Variants in PARL observed in about 807,000 individuals in gnomAD.
The protein encoded by PARL is presenilin associated rhomboid like.
PARL carries 44 observed loss-of-function variants against 51.6 expected under a neutral mutation model. The ratio of observed to expected loss-of-function variants is 0.85; its 90% confidence interval spans 0.67 to 1.10. The LOEUF (loss-of-function observed/expected upper bound fraction) is 1.10. Ranked by LOEUF, PARL falls within the 50% of genes least tolerant of loss-of-function variation. The probability of loss-of-function intolerance (pLI) is 0.00; values close to 1 mark genes in which losing one functional copy is unlikely to be tolerated. For missense variants in PARL, 441 were observed against 469.5 expected (o/e 0.94, Z 0.56); for synonymous variants, 172 against 164.0 (o/e 1.05, Z -0.37).
chr3:183,882,930 A>C (rs923201198), intron 1 of PARL, among the ~76,000 whole-genome samples: 5 of 152,220 alleles, frequency 3.3e-5, no homozygotes, highest in African/African-American at 1.2e-4. Context: ...CATATAGCTA[A>C]TAAAGGTTAT....
chr3:183,858,090 T>C (rs1056750558), intron 4 of PARL, among the ~76,000 whole-genome samples: 3 of 152,218 alleles, frequency 2.0e-5, no homozygotes, highest in Admixed American at 6.5e-5. Flanking sequence ...AGCATGATAC[T>C]TGAAGTGTGG....
intron 1 of PARL, 37 bp from the exon 2 acceptor site, chr3:183,868,097 C>T (rs1037593958): frequency 4.8e-6 from 7 of 1,468,328 alleles, no homozygotes; most frequent in African/African-American, 4.2e-5. Flanking sequence ...AACACAGTAG[C>T]GTCTTGCAAA....
chr3:183,870,155 A>G lies in PARL; in HGVS notation c.126-2095T>C, dbSNP rs577826319. On this transcript the variant is annotated intron_variant, in intron 1 of 9. Transcript: ENST00000317096. Reference sequence around the variant, plus strand: ...GCCAGGTGTGGTGGTGCACACCTGTAGAGTCCCAGCTACTCGGGAGGCTGA... The same window carrying G: ...GCCAGGTGTGGTGGTGCACACCTGTGGAGTCCCAGCTACTCGGGAGGCTGA... 2.6e-4 allele frequency among the ~76,000 whole-genome samples: 16 copies of G among 61,328 alleles called. No individual in the cohort carries two copies. The East Asian group carries it at 0.012, about 44-fold the overall frequency. 40.2% of individuals were successfully genotyped at this position (61,328 alleles called of 152,430 possible). A position where few individuals can be genotyped will look rare whatever the true frequency, so the allele number is the denominator to read the frequency against.
At chr3:183,826,968 C>G (rs531961512), downstream of PARL, among the ~76,000 whole-genome samples, 2 of 151,894 alleles carry the variant, frequency 1.3e-5, no homozygotes, top group Non-Finnish European at 2.9e-5. Flanking sequence ...TAGTGAGGGA[C>G]GGAAGGAAGT....
chr3:183,859,033 G>A (rs6775575), intron 4 of PARL, among the ~76,000 whole-genome samples: 64,114 of 151,958 alleles, frequency 0.42, 14,010 homozygotes, highest in Middle Eastern at 0.55. Flanking sequence ...CTCGCCGGGC[G>A]CGGTGGCTCA....
At chr3:183,861,808 A>G (rs1302642192) in intron 4 of PARL, among the ~76,000 whole-genome samples, 1 of 152,096 alleles carries the variant, frequency 6.6e-6, no homozygotes, top group Non-Finnish European at 1.5e-5. Flanking sequence ...TGAGAGTCTC[A>G]TCTGTCACCC....
downstream of PARL, among the ~76,000 whole-genome samples, chr3:183,828,293 G>A (rs1319192287): frequency 1.3e-5 from 2 of 152,240 alleles, no homozygotes; most frequent in Non-Finnish European, 2.9e-5. Flanking sequence ...GCTCTAGAGG[G>A]AATGTCCCTA....
At chr3:183,835,383 T>C (rs888787151) in intron 7 of PARL, among the ~76,000 whole-genome samples, 1 of 152,200 alleles carries the variant, frequency 6.6e-6, no homozygotes, top group African/African-American at 2.4e-5. Flanking sequence ...AAGAAAATTA[T>C]TATGAGTCCC....
intron 1 of PARL, among the ~76,000 whole-genome samples, chr3:183,882,251 A>ATATATATATATATTTATATATATATATT (rs1734590648): frequency 1.2e-4 from 6 of 50,688 alleles, no homozygotes; most frequent in African/African-American, 3.9e-4. Flanking sequence ...ATATTTATAT[A>ATATATATATATATTTATATATATATATT]TATATATATA....
In PARL at chr3:183,867,595, G is replaced by A. The variant is rs376021719; in HGVS notation, c.321+270C>T. Among the ~76,000 whole-genome samples, 33 of 151,954 alleles carry A rather than the reference G, an allele frequency of 2.2e-4. No homozygotes were observed. The East Asian group carries it at 4.1e-3, about 19-fold the overall frequency. Reference sequence around the variant, plus strand: ...AGTGCCTACAGTCCCAGCTACTTGGGAAGCTGAGGCAGGAGAATGGTGTGA... The same window carrying A: ...AGTGCCTACAGTCCCAGCTACTTGGAAAGCTGAGGCAGGAGAATGGTGTGA... On this transcript the variant is annotated intron_variant, in intron 2 of 9. Coordinates refer to ENST00000317096, the MANE Select transcript of PARL (RefSeq NM_018622.7).
At chr3:183,841,822 C>T (rs1413876304) in intron 6 of PARL, among the ~76,000 whole-genome samples, 1 of 152,184 alleles carries the variant, frequency 6.6e-6, no homozygotes, top group African/African-American at 2.4e-5. Flanking sequence ...AACAAACTCA[C>T]TCTTGACAAT....
chr3:183,850,874 A>C (rs968264711), intron 4 of PARL, among the ~76,000 whole-genome samples: 1 of 152,206 alleles, frequency 6.6e-6, no homozygotes, highest in Non-Finnish European at 1.5e-5. Context: ...CAGTTGGAAG[A>C]CTCACAATTC....
intron 1 of PARL, among the ~76,000 whole-genome samples, chr3:183,875,744 A>G (rs2108704491): frequency 6.6e-6 from 1 of 152,348 alleles, no homozygotes; most frequent in African/African-American, 2.4e-5. Flanking sequence ...AGGTGGCTAC[A>G]CTAAACAGAT....
chr3:183,876,958 T>C (rs549406570), intron 1 of PARL, among the ~76,000 whole-genome samples: 1 of 152,360 alleles, frequency 6.6e-6, no homozygotes, highest in East Asian at 1.9e-4. Flanking sequence ...ATGCCTGTAA[T>C]CCCAGTACCC....
At position 183,857,437 on chromosome 3, in the gene PARL, G is replaced by A. The variant is rs142558998; in HGVS notation, c.511+5316C>T. Among the ~76,000 whole-genome samples the A allele has an allele frequency of 2.7e-3, 404 of 152,158 alleles. 1 individual carries two copies. Among genetic ancestry groups the A allele is most frequent in the African/African-American group, 9.4e-3 (392 of 41,520 alleles). The stretch of plus-strand genomic sequence containing the variant: ...TAAAAAGAATGTAACAAACCTACTT[G>A]TATTGATATAGAATGTTCTTTAAAA... On this transcript the variant is annotated intron_variant, in intron 4 of 9. Transcript: ENST00000317096.
In PARL at chr3:183,866,869, C is replaced by T. The variant is rs957200250; in HGVS notation, c.322-104G>A. 3.2e-5 allele frequency: 27 copies of T among 855,098 alleles called. No individual in the cohort carries two copies. In the African/African-American group the frequency reaches 4.2e-4, roughly 13 times the overall value. 53.0% of individuals were successfully genotyped at this position (855,098 alleles called of 1,614,324 possible). On this transcript the variant is annotated intron_variant, in intron 2 of 9. Coordinates refer to ENST00000317096, the MANE Select transcript of PARL (RefSeq NM_018622.7). ...ACTGTCATTGCTTTTTACAAACCAA[C>T]AGAAGGGAATACTTGGCACAGTGAA...
In PARL at chr3:183,829,577, C is replaced by T; in HGVS notation, c.*21G>A. The T allele has an allele frequency of 6.2e-7, 1 of 1,614,214 alleles. No homozygotes were observed. The highest frequency in any genetic ancestry group is 8.5e-7 in the Non-Finnish European group (1 of 1,180,040). ...CTCAGGCGGCAAGGACCAGATGCACCACTACTGTCCAATCCCAGTTTTACT... is the reference window on the plus strand; with the variant it reads ...CTCAGGCGGCAAGGACCAGATGCACTACTACTGTCCAATCCCAGTTTTACT... On this transcript the variant is annotated 3_prime_UTR_variant, in exon 10 of 10. Coordinates refer to ENST00000317096, the MANE Select transcript of PARL (RefSeq NM_018622.7).
chr3:183,845,887 C>T (rs939303803), intron 4 of PARL, among the ~76,000 whole-genome samples: 4 of 152,158 alleles, frequency 2.6e-5, no homozygotes, highest in Non-Finnish European at 4.4e-5. Flanking sequence ...AGGGTAAAGA[C>T]GACCTGAGAA....
At chr3:183,833,653 A>T in intron 8 of PARL, 64 bp from the exon 9 acceptor site, 1 of 1,474,218 alleles carries the variant, frequency 6.8e-7, no homozygotes, top group Non-Finnish European at 9.5e-7. Context: ...TTTCTAACTT[A>T]AGGGCAAGAA....
Sources: allele counts gnomAD v4.1 joint callset (sites outside exome capture counted in the v4.1 genomes callset), GRCh38; gene constraint gnomAD v4.1.1; transcripts MANE v1.5; gene names NCBI Gene and HGNC (gene_info 2026-07-23, HGNC 2026-07-21).